Variants in MAPKBP1 observed in about 807,000 individuals in gnomAD.
MAPKBP1 encodes the protein mitogen-activated protein kinase-binding protein 1.
In MAPKBP1, 71 loss-of-function variants were observed where a neutral mutation model predicts 170.5. That is an observed-to-expected ratio of 0.42 (90% CI 0.34 to 0.51). MAPKBP1 has a LOEUF of 0.51. Ranked by LOEUF, MAPKBP1 falls within the 20% of genes least tolerant of loss-of-function variation. MAPKBP1 has a pLI of 0.06. For missense variants in MAPKBP1, 1,598 were observed against 1,933.0 expected, an observed-to-expected ratio of 0.83 and a Z score of 3.25; for synonymous variants, 719 against 757.9, an observed-to-expected ratio of 0.95 and a Z score of 0.84.
intron 2 of MAPKBP1, 141 bp downstream of exon 2, chr15:41,775,530 G>A (rs1322107411): frequency 4.5e-6 from 3 of 670,608 alleles, no homozygotes; most frequent in Non-Finnish European, 7.8e-6. Context: ...TGCAGGCAAT[G>A]ATTTGGTTTT....
At chr15:41,779,730 G>C (rs895154215) in intron 2 of MAPKBP1, among the ~76,000 whole-genome samples, 1 of 152,168 alleles carries the variant, frequency 6.6e-6, no homozygotes, top group Non-Finnish European at 1.5e-5. Context: ...CACACGCTCT[G>C]AGTTCTCCAC....
intron 2 of MAPKBP1, among the ~76,000 whole-genome samples, chr15:41,776,582 A>G (rs1242719847): frequency 2.0e-5 from 3 of 152,206 alleles, no homozygotes; most frequent in African/African-American, 7.2e-5. Context: ...GAAGCCTGAA[A>G]TGTAGAAATT....
Position 41,817,498 on chromosome 15 carries a change from C to T in MAPKBP1, c.1782+40C>T, listed in dbSNP as rs754371353. On this transcript the variant is annotated intron_variant, in intron 15 of 30. Transcript: ENST00000457542. This position sits in a 1 kb window ranked among gnomAD's most constrained non-coding sequence, Gnocchi z 4.2. ...CTTTCCTGAGAGGGGCGGGACAGGG[C>T]GGGGTCTGCCATTCCCTGCCTAAGG... The T allele has an allele frequency of 3.7e-5, 25 of 681,760 alleles. No homozygotes were observed. Among genetic ancestry groups the T allele is most frequent in the East Asian group, 1.0e-4 (2 of 19,280 alleles). 42.2% of individuals were successfully genotyped at this position (681,760 alleles called of 1,614,324 possible). A position where few individuals can be genotyped will look rare whatever the true frequency, so the allele number is the denominator to read the frequency against.
chr15:41,819,547 C>CGGGG (rs3034893), intron 21 of MAPKBP1, 48 bp from the exon 22 acceptor site: 31,788 of 1,172,572 alleles, frequency 0.027, 282 homozygotes, highest in Middle Eastern at 0.038. Context: ...GGTTGGGTGG[C>CGGGG]GGGGGGGGGG....
Position 41,821,947 on chromosome 15 carries a change from C to G in MAPKBP1, c.2886-18C>G. On this transcript the variant is annotated intron_variant, in intron 24 of 30. Transcript: ENST00000457542. ...CCCTGCTCACTGCCTTTTCTTCTCC[C>G]TGCTGGAATCCTGACAGTGAGTTCC... 1 of 1,608,280 alleles carries G rather than the reference C, an allele frequency of 6.2e-7. No homozygotes were observed. The highest frequency in any genetic ancestry group is 1.1e-5 in the South Asian group (1 of 90,148).
intron 5 of MAPKBP1, 190 bp from the exon 6 acceptor site, chr15:41,811,767 T>C (rs1236183624): frequency 4.2e-6 from 3 of 721,428 alleles, no homozygotes; most frequent in Non-Finnish European, 7.4e-6. Flanking sequence ...CCGGGGCCAC[T>C]TTCTTCCTGG....
chr15:41,827,309 AAAG>A lies in MAPKBP1; in HGVS notation c.*1876_*1878del, dbSNP rs1156915288. On this transcript the variant is annotated 3_prime_UTR_variant, in exon 31 of 31. Transcript: ENST00000457542. ...AGCTACACGCCATCTCAAAAAAAAA[AAAG>A]AAAAAGGGTTACAAAAGGTTCCCAG... 2.0e-5 allele frequency: 3 copies of A among 151,900 alleles called. No individual in the cohort carries two copies. The highest frequency in any genetic ancestry group is 4.4e-5 in the Non-Finnish European group (3 of 67,996). 9.4% of individuals were successfully genotyped at this position (151,900 alleles called of 1,614,324 possible). A position where few individuals can be genotyped will look rare whatever the true frequency, so the allele number is the denominator to read the frequency against.
intron 6 of MAPKBP1, 26 bp from the exon 7 acceptor site, chr15:41,812,490 G>T (rs1307432733): frequency 6.2e-7 from 1 of 1,614,172 alleles, no homozygotes; most frequent in East Asian, 2.2e-5. Flanking sequence ...ACAGAGCCTT[G>T]ATTCTTCCTT....
At chr15:41,793,304 G>T (rs1257536664) in intron 2 of MAPKBP1, among the ~76,000 whole-genome samples, 2 of 152,062 alleles carry the variant, frequency 1.3e-5, no homozygotes, top group Admixed American at 1.3e-4. Flanking sequence ...TGGCTAACAC[G>T]GTGAAACCCC....
chr15:41,797,172 C>T (rs1388562989), intron 2 of MAPKBP1, among the ~76,000 whole-genome samples: 2 of 152,174 alleles, frequency 1.3e-5, no homozygotes, highest in Non-Finnish European at 2.9e-5. Flanking sequence ...CCACAAAACA[C>T]CTACCCAAAT....
chr15:41,802,911 G>A (rs2152075101), intron 3 of MAPKBP1, among the ~76,000 whole-genome samples: 1 of 152,316 alleles, frequency 6.6e-6, no homozygotes, highest in South Asian at 2.1e-4. Flanking sequence ...TCATCAAGAT[G>A]TCACTAAGTG....
At position 41,818,164 on chromosome 15, in the gene MAPKBP1, C is replaced by T; in HGVS notation, c.1981-30C>T. ...TGGGAGGGACTGGTACTTCCCATGT[C>T]CTCCAGCTGCACACCCTGCTACTCC... On this transcript the variant is annotated intron_variant, in intron 17 of 30. Coordinates refer to ENST00000457542, the MANE Select transcript of MAPKBP1 (RefSeq NM_014994.3). This position sits in a 1 kb window ranked among gnomAD's most constrained non-coding sequence, Gnocchi z 5.2. 6.2e-7 allele frequency: 1 copy of T among 1,608,026 alleles called. No homozygotes were observed. Among genetic ancestry groups the T allele is most frequent in the Non-Finnish European group, 8.5e-7 (1 of 1,174,556 alleles).
chr15:41,823,324 C>T (rs914800016), intron 28 of MAPKBP1, 102 bp downstream of exon 28: 13 of 1,545,658 alleles, frequency 8.4e-6, no homozygotes, highest in Admixed American at 1.8e-5. Context: ...TGCCACTGTG[C>T]TGGCCACTAG....
chr15:41,814,425 C>A, intron 9 of MAPKBP1, 125 bp from the exon 10 acceptor site: 2 of 913,002 alleles, frequency 2.2e-6, no homozygotes, highest in Non-Finnish European at 3.3e-6. Context: ...TTTCTTCTCT[C>A]AAGCAACTAC....
chr15:41,783,244 C>A lies in MAPKBP1; in HGVS notation c.114+7855C>A, dbSNP rs2064221455. Among the ~76,000 whole-genome samples the A allele has an allele frequency of 2.0e-5, 3 of 152,170 alleles. No individual in the cohort carries two copies. In the South Asian group the frequency reaches 6.2e-4, roughly 31 times the overall value. On this transcript the variant is annotated intron_variant, in intron 2 of 30. Transcript: ENST00000457542. ...TTGAGGTGCTCTTTCAGGTCTCTCC[C>A]TGTTTTCCTCTGAATTCCACTGTTT...
chr15:41,795,458 AG>A (rs1461821788), intron 2 of MAPKBP1, among the ~76,000 whole-genome samples: 1 of 152,094 alleles, frequency 6.6e-6, no homozygotes, highest in Non-Finnish European at 1.5e-5. Context: ...TCAGAGAGGT[AG>A]GTAGCCAGAG....
chr15:41,802,720 C>T (rs1338394251), intron 3 of MAPKBP1, among the ~76,000 whole-genome samples: 1 of 152,206 alleles, frequency 6.6e-6, no homozygotes, highest in African/African-American at 2.4e-5. Flanking sequence ...GTGATCAGCC[C>T]TCCTTGGCCT....
intron 2 of MAPKBP1, among the ~76,000 whole-genome samples, chr15:41,792,201 T>G (rs1334773207): frequency 2.0e-5 from 3 of 151,640 alleles, no homozygotes; most frequent in Non-Finnish European, 2.9e-5. Context: ...CGTGGCTTTA[T>G]TCTTTCTTTC....
chr15:41,816,870 T>G (rs781570563), intron 13 of MAPKBP1, 40 bp from the exon 14 acceptor site: 1 of 1,573,192 alleles, frequency 6.4e-7, no homozygotes, highest in Non-Finnish European at 8.7e-7. Context: ...TAAGGGCTGT[T>G]CAGGGCACTC....
Sources: gnomAD v4.1 joint callset for allele counts (sites outside exome capture counted in the v4.1 genomes callset) on GRCh38, gnomAD v4.1.1 for gene constraint, Gnocchi (gnomAD v3.1) non-coding constraint, MANE v1.5 for transcripts, NCBI Gene and HGNC (gene_info 2026-07-23, HGNC 2026-07-21) for gene names.